The following ZNF330 variants were observed in gnomAD, a reference collection of about 807,000 sequenced individuals.
ZNF330 encodes nucleolar atypical zinc finger.
ZNF330 carries 31 observed loss-of-function variants against 45.5 expected under a neutral mutation model. The observed-to-expected ratio is 0.68, with a 90% CI of 0.51 to 0.92. The LOEUF is 0.92. Ranked by LOEUF, ZNF330 falls within the 40% of genes least tolerant of loss-of-function variation. The pLI is 0.00. For missense variants in ZNF330, 356 were observed against 387.4 expected (o/e 0.92, Z 0.68); for synonymous variants, 138 against 123.2 (o/e 1.12, Z -0.79).
chr4:141,228,662 G>T (rs902817803), intron 5 of ZNF330, among the ~76,000 whole-genome samples: 1 of 152,076 alleles, frequency 6.6e-6, no homozygotes, highest in African/African-American at 2.4e-5. Flanking sequence ...TATAGTTGAT[G>T]ATTTGCTAGC....
intron 5 of ZNF330, among the ~76,000 whole-genome samples, chr4:141,227,791 T>C (rs1728848227): frequency 1.3e-5 from 2 of 152,160 alleles, no homozygotes; most frequent in South Asian, 4.1e-4. Flanking sequence ...AATAGTGTTC[T>C]TTAAAACTTT....
chr4:141,224,430 T>C, intron 2 of ZNF330, 57 bp from the exon 3 acceptor site: 3 of 1,522,834 alleles, frequency 2.0e-6, no homozygotes, highest in South Asian at 1.2e-5. Flanking sequence ...GTAATACAAG[T>C]AAATTTGCAG....
rs1461870325 is a variant in ZNF330, at chr4:141,229,684, C to T, written c.405C>T (p.Gly135=). ...CTGAGTGTGTTGAATGTGAACGAGG[C>T]GTGTGGGACCATGGTGAGTCATTAG... ...TDAECVECER[G]VWDHGGRIFS... is the part of the protein sequence containing the mutation. The change falls in exon 6 of 10, where the codon GGC becomes GGT. Residue 135 remains glycine, a synonymous_variant. Transcript: ENST00000262990. The T allele has an allele frequency of 9.3e-6, 15 of 1,612,754 alleles. No individual in the cohort carries two copies. The highest frequency in any genetic ancestry group is 1.1e-5 in the South Asian group (1 of 91,050).
intron 5 of ZNF330, among the ~76,000 whole-genome samples, chr4:141,227,710 C>T (rs1484620889): frequency 6.6e-6 from 1 of 151,994 alleles, no homozygotes; most frequent in Non-Finnish European, 1.5e-5. Flanking sequence ...TTTAGTGTAC[C>T]GAAAGCCCTG....
chr4:141,232,546 A>G lies in ZNF330; in HGVS notation c.592A>G (p.Thr198Ala). 6.3e-7 allele frequency: 1 copy of G among 1,588,752 alleles called. No individual in the cohort carries two copies. Among genetic ancestry groups the G allele is most frequent in the Non-Finnish European group, 8.6e-7 (1 of 1,169,460 alleles). Reference sequence around the variant, plus strand: ...ACAGGCTTGTTTCTGTGATGATCATACAAGGAGCAAAGTGTTTAAGCAAGA... The same window carrying G: ...ACAGGCTTGTTTCTGTGATGATCATGCAAGGAGCAAAGTGTTTAAGCAAGA... The part of the protein sequence containing the change: ...RCKACFCDDH[T>A]RSKVFKQEKG... The change falls in exon 9 of 10, where the codon ACA becomes GCA. Residue 198 changes from threonine to alanine, a missense_variant. Physicochemically the swap from Thr to Ala is moderately conservative, Grantham distance 58. Transcript: ENST00000262990.
chr4:141,228,967 T>C (rs1001204613), intron 5 of ZNF330, among the ~76,000 whole-genome samples: 17 of 152,140 alleles, frequency 1.1e-4, no homozygotes, highest in African/African-American at 3.9e-4. Flanking sequence ...TTTCTTGATA[T>C]AGAATTGGAG....
At chr4:141,222,984 G>C (rs1190782077) in intron 2 of ZNF330, 1 of 152,756 alleles carries the variant, frequency 6.5e-6, no homozygotes, top group African/African-American at 2.4e-5. Context: ...CAAACAATTA[G>C]GTCATCATTA....
At chr4:141,226,961 CTG>C (rs1728819965) in intron 5 of ZNF330, 115 bp downstream of exon 5, 1 of 752,386 alleles carries the variant, frequency 1.3e-6, no homozygotes, top group Non-Finnish European at 2.1e-6. Flanking sequence ...TTCAATCAAT[CTG>C]TAGTTATCTG....
intron 5 of ZNF330, among the ~76,000 whole-genome samples, chr4:141,228,840 G>GC (rs940191588): frequency 6.6e-5 from 10 of 151,916 alleles, no homozygotes; most frequent in Non-Finnish European, 1.3e-4. Flanking sequence ...TTAGTCTTGG[G>GC]CCCCATGCTT....
intron 9 of ZNF330, among the ~76,000 whole-genome samples, chr4:141,233,391 A>G (rs541900982): frequency 5.9e-5 from 9 of 152,264 alleles, no homozygotes; most frequent in Non-Finnish European, 1.3e-4. Flanking sequence ...TACTGATACG[A>G]AATCAGCTGT....
At chr4:141,229,498 G>A in intron 5 of ZNF330, 73 bp from the exon 6 acceptor site, 2 of 1,586,834 alleles carry the variant, frequency 1.3e-6, no homozygotes, top group Non-Finnish European at 1.7e-6. Context: ...CAGTTTTGAT[G>A]GTTGCCGTGG....
intron 4 of ZNF330, 134 bp from the exon 5 acceptor site, chr4:141,226,633 A>C: frequency 1.6e-6 from 1 of 621,536 alleles, no homozygotes; most frequent in Non-Finnish European, 2.9e-6. Flanking sequence ...TTATGTAAGC[A>C]GTAAATACTG....
chr4:141,229,205 T>C (rs1728886290), intron 5 of ZNF330, among the ~76,000 whole-genome samples: 1 of 151,390 alleles, frequency 6.6e-6, no homozygotes, highest in African/African-American at 2.5e-5. Context: ...GGAATTATTA[T>C]AGACAAGAAA....
chr4:141,222,365 G>C lies in ZNF330; in HGVS notation c.-6-1G>C. On this transcript the variant is annotated splice_acceptor_variant, in intron 1 of 9. Transcript: ENST00000262990. LOFTEE classifies it low-confidence loss of function (5UTR_SPLICE). ...TTTTCTGTTCTCTTGTGTCAAAATA[G>C]GGGAAAATGCCTAAAAAAAAGACTG... is the stretch of plus-strand genomic sequence containing the variant. The C allele has an allele frequency of 6.2e-7, 1 of 1,611,482 alleles. No homozygotes were observed. The highest frequency in any genetic ancestry group is 8.5e-7 in the Non-Finnish European group (1 of 1,179,010).
At chr4:141,228,817 T>TC (rs1728871216) in intron 5 of ZNF330, among the ~76,000 whole-genome samples, 5 of 126,490 alleles carry the variant, frequency 4.0e-5, no homozygotes, top group Admixed American at 1.5e-4. Context: ...GTAATCCAAC[T>TC]CGGGACTTGG....
At chr4:141,230,816 G>A (rs971313689) in intron 7 of ZNF330, among the ~76,000 whole-genome samples, 2 of 152,038 alleles carry the variant, frequency 1.3e-5, no homozygotes, top group South Asian at 2.1e-4. Flanking sequence ...AAATTCTCAC[G>A]TATTTTCCAG....
chr4:141,220,629 T>C (rs887722215), upstream of ZNF330, among the ~76,000 whole-genome samples: 1 of 152,232 alleles, frequency 6.6e-6, no homozygotes, highest in Non-Finnish European at 1.5e-5. Context: ...ATGAATTTGC[T>C]GTTTGAGTCA....
chr4:141,224,662 AT>A lies in ZNF330; in HGVS notation c.199del (p.Cys67ValfsTer10). 6.2e-7 allele frequency: 1 copy of A among 1,613,420 alleles called. No individual in the cohort carries two copies. Among genetic ancestry groups the A allele is most frequent in the Non-Finnish European group, 8.5e-7 (1 of 1,179,490 alleles). On this transcript the variant is annotated frameshift_variant, in exon 4 of 10. Transcript: ENST00000262990. LOFTEE classifies it high-confidence loss of function. ...YFCNSVQKLP[I>X]CAQCGKTKCM... ...TTGTAATTCTGTACAGAAGTTACCAATTTGTGCACAGTGTGGTAAGTTTGTA... is the reference window on the plus strand; with the variant it reads ...TTGTAATTCTGTACAGAAGTTACCAATTGTGCACAGTGTGGTAAGTTTGTA...
At chr4:141,229,435 T>C in intron 5 of ZNF330, 136 bp from the exon 6 acceptor site, 9 of 1,167,508 alleles carry the variant, frequency 7.7e-6, no homozygotes, top group Non-Finnish European at 9.7e-6. Flanking sequence ...TAGTAAAATG[T>C]TTAAATGAAG....
Sources: allele counts gnomAD v4.1 joint callset (sites outside exome capture counted in the v4.1 genomes callset), GRCh38; gene constraint gnomAD v4.1.1; transcripts MANE v1.5; gene names NCBI Gene and HGNC (gene_info 2026-07-23, HGNC 2026-07-21).